The following TSNAX variants were observed in gnomAD, a reference collection of about 807,000 sequenced individuals.
The protein encoded by TSNAX is translin associated factor X, also known as translin-associated protein X.
A neutral mutation model predicts 33.0 loss-of-function variants in TSNAX; 12 were observed. The ratio of observed to expected loss-of-function variants is 0.36; its 90% CI spans 0.23 to 0.59. TSNAX has a LOEUF of 0.59. Among genes scored for constraint, TSNAX ranks in the 20% least tolerant of loss-of-function variants. The pLI is 0.74. For synonymous variants in TSNAX, 110 were observed against 117.2 expected, an observed-to-expected ratio of 0.94 and a Z score of 0.40; for missense variants, 267 against 341.3, an observed-to-expected ratio of 0.78 and a Z score of 1.72.
intron 3 of TSNAX, among the ~76,000 whole-genome samples, chr1:231,538,476 G>A (rs1659339021): frequency 6.6e-6 from 1 of 152,110 alleles, no homozygotes; most frequent in African/African-American, 2.4e-5. Context: ...TTCTTTGTTT[G>A]CTTCATAATT....
rs553666710 is a variant in TSNAX at position 231,561,310 on chromosome 1, C to T, written c.495+55C>T. ...TTATATAATTTATGTAACAGTATGA[C>T]GATTCTAGTAGATTTACTGGCTTAT... On this transcript the variant is annotated intron_variant, in intron 5 of 5. Coordinates refer to ENST00000366639, the MANE Select transcript of TSNAX (RefSeq NM_005999.3). 5.3e-6 allele frequency: 7 copies of T among 1,323,948 alleles called. No homozygotes were observed. In the Admixed American group the frequency reaches 6.6e-5, roughly 13 times the overall value. The allele number at this position is 1,323,948 out of a possible 1,614,324, so 82.0% of individuals were successfully genotyped here.
intron 4 of TSNAX, among the ~76,000 whole-genome samples, chr1:231,549,719 T>C (rs189555311): frequency 2.6e-5 from 4 of 152,282 alleles, no homozygotes; most frequent in Non-Finnish European, 4.4e-5. Context: ...TCCTTCTTTG[T>C]TTGTTGGTAA....
intron 4 of TSNAX, among the ~76,000 whole-genome samples, chr1:231,550,729 G>A (rs1285621424): frequency 6.6e-6 from 1 of 152,092 alleles, no homozygotes; most frequent in Non-Finnish European, 1.5e-5. Flanking sequence ...GGAGGAGAGA[G>A]TATGATGAGA....
chr1:231,530,402 G>C lies in TSNAX; in HGVS notation c.121+1043G>C, dbSNP rs540996744. 3.3e-5 allele frequency among the ~76,000 whole-genome samples: 5 copies of C among 152,272 alleles called. No individual in the cohort carries two copies. In the East Asian group the frequency reaches 9.7e-4, roughly 29 times the overall value. Reference sequence around the variant, plus strand: ...GAATAAAGAGCGTACTGATACAGAAGGTGGAGTTGCGGCTGGGTGTGGTGG... The same window carrying C: ...GAATAAAGAGCGTACTGATACAGAACGTGGAGTTGCGGCTGGGTGTGGTGG... On this transcript the variant is annotated intron_variant, in intron 2 of 5. Coordinates refer to ENST00000366639, the MANE Select transcript of TSNAX (RefSeq NM_005999.3).
rs1006524573 is a variant in TSNAX, at chr1:231,566,006, A to AT, written c.*1106dup. The AT allele has an allele frequency of 5.3e-5, 8 of 152,156 alleles. No individual in the cohort carries two copies. The highest frequency in any genetic ancestry group is 4.1e-4 in the South Asian group (2 of 4,822). 9.4% of individuals were successfully genotyped at this position (152,156 alleles called of 1,614,324 possible). A position where few individuals can be genotyped will look rare whatever the true frequency, so the allele number is the denominator to read the frequency against. On this transcript the variant is annotated 3_prime_UTR_variant, in exon 6 of 6. Coordinates refer to ENST00000366639, the MANE Select transcript of TSNAX (RefSeq NM_005999.3). ...TGCTTTTAGTAGTGATTATTTAGCA[A>AT]TTTTTGTTTTTGTTATATTAGGCAT...
At chr1:231,556,457 TTAG>T (rs1302865307) in intron 4 of TSNAX, among the ~76,000 whole-genome samples, 3 of 152,234 alleles carry the variant, frequency 2.0e-5, no homozygotes, top group Admixed American at 1.3e-4. Flanking sequence ...ATACAGAATA[TTAG>T]TAGTATGTTG....
chr1:231,552,425 T>C (rs1488578956), intron 4 of TSNAX, among the ~76,000 whole-genome samples: 2 of 152,200 alleles, frequency 1.3e-5, no homozygotes, highest in African/African-American at 4.8e-5. Context: ...TTATTTTCAG[T>C]GTGCACTTCA....
chr1:231,546,883 G>A (rs777437513), intron 4 of TSNAX, among the ~76,000 whole-genome samples: 1 of 152,130 alleles, frequency 6.6e-6, no homozygotes, highest in Non-Finnish European at 1.5e-5. Context: ...AGGGAGGAGT[G>A]GGGGATGGCG....
chr1:231,529,867 AAC>A (rs1163576472), intron 2 of TSNAX, among the ~76,000 whole-genome samples: 1 of 152,202 alleles, frequency 6.6e-6, no homozygotes, highest in East Asian at 1.9e-4. Context: ...ATTCAAAACA[AAC>A]ACAAAACAAA....
intron 2 of TSNAX, chr1:231,535,501 T>C (rs1231714622): frequency 6.6e-6 from 1 of 152,202 alleles, no homozygotes; most frequent in Non-Finnish European, 1.5e-5. Context: ...CTTAAAACAC[T>C]GTTTTTGTTT....
At chr1:231,542,634 G>A (rs1431955013) in intron 4 of TSNAX, 23 bp downstream of exon 4, 4 of 1,603,652 alleles carry the variant, frequency 2.5e-6, no homozygotes, top group South Asian at 2.2e-5. Flanking sequence ...TTGTTTCAGG[G>A]TAATATATAT....
intron 4 of TSNAX, among the ~76,000 whole-genome samples, chr1:231,559,306 A>G (rs555067148): frequency 1.3e-5 from 2 of 150,486 alleles, no homozygotes; most frequent in East Asian, 1.9e-4. Context: ...AATTGTGGCT[A>G]TAGAATATAG....
At chr1:231,557,753 A>G (rs1660784824) in intron 4 of TSNAX, among the ~76,000 whole-genome samples, 1 of 152,170 alleles carries the variant, frequency 6.6e-6, no homozygotes, top group African/African-American at 2.4e-5. Context: ...TCCTGAACCT[A>G]ATACAGTGAC....
chr1:231,543,075 G>A (rs957795712), intron 4 of TSNAX, among the ~76,000 whole-genome samples: 4 of 151,912 alleles, frequency 2.6e-5, no homozygotes, highest in Non-Finnish European at 1.5e-5. Flanking sequence ...CTACTCCGGA[G>A]GCTGAGGCAG....
intron 5 of TSNAX, among the ~76,000 whole-genome samples, chr1:231,561,643 A>G (rs533250505): frequency 6.4e-4 from 98 of 152,320 alleles, no homozygotes; most frequent in African/African-American, 2.2e-3. Context: ...AGGTTAAGTA[A>G]CTTGCCAGAA....
chr1:231,555,554 A>G (rs1193841377), intron 4 of TSNAX, among the ~76,000 whole-genome samples: 1 of 152,222 alleles, frequency 6.6e-6, no homozygotes, highest in Non-Finnish European at 1.5e-5. Flanking sequence ...AAAAATGGCT[A>G]AGCTGGTAAA....
In TSNAX at chr1:231,540,925, T is replaced by A. The variant is rs548710194; in HGVS notation, c.237-1556T>A. ...CAAAGTTTGATGTTAATATAGCTAC[T>A]CCTGTTTCGTTTGATTGTTATTAGA... is the stretch of plus-strand genomic sequence containing the variant. On this transcript the variant is annotated intron_variant, in intron 3 of 5. Coordinates refer to ENST00000366639, the MANE Select transcript of TSNAX (RefSeq NM_005999.3). 2.6e-5 allele frequency among the ~76,000 whole-genome samples: 4 copies of A among 152,360 alleles called. No individual in the cohort carries two copies. In the South Asian group the frequency reaches 8.3e-4, roughly 32 times the overall value.
chr1:231,550,961 A>G (rs1309082183), intron 4 of TSNAX, among the ~76,000 whole-genome samples: 1 of 152,030 alleles, frequency 6.6e-6, no homozygotes, highest in Non-Finnish European at 1.5e-5. Flanking sequence ...TTAAGAAATG[A>G]TTTGAGAATT....
Position 231,561,192 on chromosome 1 carries a change from T to C in TSNAX, c.432T>C (p.Ser144=), listed in dbSNP as rs747288445. 3 of 1,599,850 alleles carry C rather than the reference T, an allele frequency of 1.9e-6. No homozygotes were observed. The highest frequency in any genetic ancestry group is 2.6e-6 in the Non-Finnish European group (3 of 1,168,642). ...TCATCAAAACACGATCATTAATTAGTATGGATGAAATTAATAAACAATTGA... is the reference window on the plus strand; with the variant it reads ...TCATCAAAACACGATCATTAATTAGCATGGATGAAATTAATAAACAATTGA... ...QHFIKTRSLI[S]MDEINKQLIF... The change falls in exon 5 of 6, where the codon AGT becomes AGC. Residue 144 remains serine (S), a synonymous_variant. Transcript: ENST00000366639.
Sources: gnomAD v4.1 joint callset for allele counts (sites outside exome capture counted in the v4.1 genomes callset) on GRCh38, gnomAD v4.1.1 for gene constraint, MANE v1.5 for transcripts, NCBI Gene and HGNC (gene_info 2026-07-23, HGNC 2026-07-21) for gene names.